The following SOX5 variants were observed in gnomAD, a reference collection of about 807,000 sequenced individuals.
SOX5 encodes transcription factor SOX-5.
Under a neutral mutation model 92.0 loss-of-function variants are expected in SOX5, and 9 were observed. That is an observed-to-expected ratio of 0.10 (90% CI 0.06 to 0.17). SOX5 has a LOEUF of 0.17. Ranked by LOEUF, SOX5 falls within the 10% of genes least tolerant of loss-of-function variation. The pLI, the probability that SOX5 is intolerant of heterozygous loss-of-function variation, is 1.00. For missense variants in SOX5, 642 were observed against 944.5 expected, an observed-to-expected ratio of 0.68 and a Z score of 4.20; for synonymous variants, 344 against 336.3, an observed-to-expected ratio of 1.02 and a Z score of -0.25.
chr12:23,821,430 T>G (rs989953007), intron 3 of SOX5, among the ~76,000 whole-genome samples: 2 of 152,234 alleles, frequency 1.3e-5, no homozygotes, highest in Non-Finnish European at 2.9e-5. Context: ...TTCTCTTGCC[T>G]GACTGCCCTG....
chr12:23,838,293 GT>G (rs578261612), intron 3 of SOX5, among the ~76,000 whole-genome samples: 2 of 148,716 alleles, frequency 1.3e-5, no homozygotes, highest in African/African-American at 4.9e-5. Flanking sequence ...CTTTGTTACT[GT>G]TTTTTTTGGT....
chr12:24,285,526 G>A (rs968035971), intron 2 of SOX5, among the ~76,000 whole-genome samples: 9 of 110,246 alleles, frequency 8.2e-5, no homozygotes, highest in Admixed American at 2.1e-4. Context: ...GAAGAGCAGC[G>A]CTATACTGGT....
rs75726541 is a variant in SOX5, at chr12:24,433,968, G to A, written c.-250-65329C>T. Among the ~76,000 whole-genome samples the A allele has an allele frequency of 4.6e-3, 703 of 152,250 alleles. 11 individuals are homozygous for A. The East Asian group carries it at 0.051, about 11-fold the overall frequency. On this transcript the variant is annotated intron_variant, in intron 1 of 4. Coordinates refer to the SOX5 transcript ENST00000446891. ...AAAGAGACATTAAGGAGAGGTCAGA[G>A]ATAAAAAGGCCAATGGCATTGCCTC... is the stretch of plus-strand genomic sequence containing the variant.
intron 1 of SOX5, among the ~76,000 whole-genome samples, chr12:24,539,223 A>T (rs1951903535): frequency 6.6e-6 from 1 of 150,814 alleles, no homozygotes; most frequent in African/African-American, 2.4e-5. Context: ...GTGTTTAAAA[A>T]TGTTTAGAAA....
intron 1 of SOX5, among the ~76,000 whole-genome samples, chr12:23,898,475 C>G (rs1375891365): frequency 6.6e-6 from 1 of 152,158 alleles, no homozygotes; most frequent in African/African-American, 2.4e-5. Flanking sequence ...AATTCTATGA[C>G]CTTCAGAACC....
chr12:23,735,599 C>T (rs1050703610), intron 5 of SOX5, among the ~76,000 whole-genome samples: 1 of 152,088 alleles, frequency 6.6e-6, no homozygotes, highest in African/African-American at 2.4e-5. Context: ...ATATGTAAGC[C>T]AAGTGCTTCT....
chr12:24,520,591 G>T (rs1314403896), intron 1 of SOX5, among the ~76,000 whole-genome samples: 2 of 151,996 alleles, frequency 1.3e-5, no homozygotes, highest in East Asian at 3.9e-4. Flanking sequence ...CAAAACAACT[G>T]CAAGACAAGC....
chr12:23,845,427 C>T (rs2136029997), intron 3 of SOX5, among the ~76,000 whole-genome samples: 1 of 152,188 alleles, frequency 6.6e-6, no homozygotes, highest in South Asian at 2.1e-4. Flanking sequence ...CTATCAGGAA[C>T]TATTAAAGAG....
chr12:24,448,520 A>T (rs1407559609), intron 1 of SOX5, among the ~76,000 whole-genome samples: 2 of 152,210 alleles, frequency 1.3e-5, no homozygotes, highest in African/African-American at 4.8e-5. Flanking sequence ...GGAGACAAGT[A>T]TTTGAACTAC....
intron 1 of SOX5, among the ~76,000 whole-genome samples, chr12:24,422,341 G>C (rs1239781176): frequency 6.6e-6 from 1 of 152,086 alleles, no homozygotes; most frequent in Non-Finnish European, 1.5e-5. Context: ...GACCATATGA[G>C]TAATTCTATC....
intron 2 of SOX5, among the ~76,000 whole-genome samples, chr12:23,858,118 A>G (rs1000274778): frequency 2.6e-5 from 4 of 151,736 alleles, no homozygotes; most frequent in Non-Finnish European, 5.9e-5. Context: ...ATATATGTGC[A>G]CTTTGTTGTT....
chr12:23,832,423 C>T (rs749898788), intron 3 of SOX5, among the ~76,000 whole-genome samples: 5 of 151,890 alleles, frequency 3.3e-5, no homozygotes, highest in Admixed American at 6.6e-5. Flanking sequence ...GCTCTGAATC[C>T]GGTGTTTCGG....
At chr12:23,620,464 T>C (rs2077040208) in intron 8 of SOX5, among the ~76,000 whole-genome samples, 1 of 152,092 alleles carries the variant, frequency 6.6e-6, no homozygotes, top group African/African-American at 2.4e-5. Flanking sequence ...AATCTATATA[T>C]ATAATTTTCA....
chr12:23,776,356 T>A (rs571785733), intron 3 of SOX5, among the ~76,000 whole-genome samples: 19 of 152,310 alleles, frequency 1.2e-4, no homozygotes, highest in African/African-American at 4.3e-4. Context: ...AACTATCAAC[T>A]GCAAGTAACA....
At chr12:23,836,166 A>C (rs2096410983) in intron 3 of SOX5, among the ~76,000 whole-genome samples, 1 of 151,910 alleles carries the variant, frequency 6.6e-6, no homozygotes, top group Admixed American at 6.6e-5. Context: ...TGTGTCACAT[A>C]ACGTCATATT....
intron 3 of SOX5, among the ~76,000 whole-genome samples, chr12:23,761,543 A>T (rs1349569553): frequency 1.3e-5 from 2 of 152,142 alleles, no homozygotes; most frequent in African/African-American, 4.8e-5. Context: ...TTCATTTTAC[A>T]GACTAAAAAA....
chr12:24,424,931 C>A (rs545481805), intron 1 of SOX5, among the ~76,000 whole-genome samples: 1 of 151,836 alleles, frequency 6.6e-6, no homozygotes, highest in African/African-American at 2.4e-5. Context: ...GGTTTACCTG[C>A]CATAGGCTTT....
chr12:24,505,775 T>C (rs1202717791), intron 1 of SOX5, among the ~76,000 whole-genome samples: 1 of 152,170 alleles, frequency 6.6e-6, no homozygotes, highest in Non-Finnish European at 1.5e-5. Context: ...GCATATGTCA[T>C]GCTTCCTTGC....
At position 23,977,402 on chromosome 12, in the gene SOX5, GCT is replaced by G. The variant is rs1453208983; in HGVS notation, c.-1-81380_-1-81379del. Among the ~76,000 whole-genome samples, 5 of 152,298 alleles carry G rather than the reference GCT, an allele frequency of 3.3e-5. No individual in the cohort carries two copies. In the East Asian group the frequency reaches 7.7e-4, roughly 24 times the overall value. Reference sequence around the variant, plus strand: ...AAATAAAGGTGGGCCAAGCATGGTGGCTAACACCTGTAACCCCAGCACTTTGG... The same window carrying G: ...AAATAAAGGTGGGCCAAGCATGGTGGAACACCTGTAACCCCAGCACTTTGG... On this transcript the variant is annotated intron_variant, in intron 4 of 4. Coordinates refer to the SOX5 transcript ENST00000446891.
Sources: gnomAD v4.1 joint callset for allele counts (sites outside exome capture counted in the v4.1 genomes callset) on GRCh38, gnomAD v4.1.1 for gene constraint, MANE v1.5 for transcripts, NCBI Gene and HGNC (gene_info 2026-07-23, HGNC 2026-07-21) for gene names.